The following INTS9 variants were observed in gnomAD, a reference collection of about 807,000 sequenced individuals.
INTS9 encodes the protein integrator complex subunit 9, also known as protein related to CPSF subunits of 74 kDa.
In INTS9, 55 loss-of-function variants were observed where a neutral mutation model predicts 79.7. The observed-to-expected ratio is 0.69, with a 90% CI of 0.56 to 0.86. The LOEUF (loss-of-function observed/expected upper bound fraction) is 0.86. Among genes scored for constraint, INTS9 ranks in the 40% least tolerant of loss-of-function variants. INTS9 has a pLI of 0.00. For synonymous variants in INTS9, 319 were observed against 325.2 expected (o/e 0.98, Z 0.20); for missense variants, 721 against 831.5 (o/e 0.87, Z 1.64).
intron 14 of INTS9, among the ~76,000 whole-genome samples, chr8:28,773,470 A>C (rs1396361644): frequency 1.3e-5 from 2 of 151,664 alleles, no homozygotes; most frequent in African/African-American, 2.4e-5. Context: ...TCTCAAAAAA[A>C]AAAAAAAAAA....
chr8:28,778,046 G>T, intron 12 of INTS9, 93 bp from the exon 13 acceptor site: 1 of 1,367,102 alleles, frequency 7.3e-7, no homozygotes. Context: ...CCCACAGACA[G>T]TCAGGGGGTC....
At chr8:28,781,657 T>TC (rs1428784777) in intron 11 of INTS9, among the ~76,000 whole-genome samples, 2 of 152,266 alleles carry the variant, frequency 1.3e-5, no homozygotes, top group East Asian at 3.9e-4. Flanking sequence ...AGGAACCTAT[T>TC]CCTAAGTGAA....
chr8:28,784,782 C>A lies in INTS9; in HGVS notation c.1098+3047G>T, dbSNP rs543375201. ...ACATGGATGTATTATAACAGTACAA[C>A]CATCAAAAGCAGGGAATGAACAGTG... On this transcript the variant is annotated intron_variant, in intron 11 of 16. Transcript: ENST00000521022. Among the ~76,000 whole-genome samples the A allele has an allele frequency of 2.6e-5, 4 of 152,252 alleles. No homozygotes were observed. The South Asian group carries it at 8.3e-4, about 32-fold the overall frequency.
chr8:28,786,483 G>A (rs1390535480), intron 11 of INTS9, among the ~76,000 whole-genome samples: 1 of 151,990 alleles, frequency 6.6e-6, no homozygotes, highest in African/African-American at 2.4e-5. Context: ...TGTAGAGACA[G>A]GGTTTTGCCA....
In INTS9 at chr8:28,778,079, G is replaced by A. The variant is rs1437824703; in HGVS notation, c.1271-126C>T. On this transcript the variant is annotated intron_variant, in intron 12 of 16. Transcript: ENST00000521022. ...GTCAGGAGGGAGCCAGGAAGCACAC[G>A]TGGGGGACGGAGGTCAAAGGGGCCC... is the stretch of plus-strand genomic sequence containing the variant. 14 of 1,060,866 alleles carry A rather than the reference G, an allele frequency of 1.3e-5. No homozygotes were observed. In the African/African-American group the frequency reaches 1.5e-4, roughly 11 times the overall value. The allele number at this position is 1,060,866 out of a possible 1,614,324, so 65.7% of individuals were successfully genotyped here. A position where few individuals can be genotyped will look rare whatever the true frequency, so the allele number is the denominator to read the frequency against.
chr8:28,780,358 G>A, intron 12 of INTS9: 1 of 981,104 alleles, frequency 1.0e-6, no homozygotes, highest in South Asian at 4.8e-5. Context: ...CTGATAAAAT[G>A]ATACAGTCAT....
chr8:28,812,963 G>A (rs1010014113), intron 7 of INTS9, among the ~76,000 whole-genome samples: 2 of 152,204 alleles, frequency 1.3e-5, no homozygotes, highest in Admixed American at 1.3e-4. Context: ...TCACCTGAGA[G>A]CTTCAGCTCT....
intron 6 of INTS9, among the ~76,000 whole-genome samples, chr8:28,817,536 C>T (rs1417227712): frequency 6.6e-6 from 1 of 152,198 alleles, no homozygotes; most frequent in Non-Finnish European, 1.5e-5. Context: ...GTACCAGTAA[C>T]ATGCTGTTTT....
intron 1 of INTS9, among the ~76,000 whole-genome samples, chr8:28,875,975 C>T (rs1427973920): frequency 6.6e-6 from 1 of 152,192 alleles, no homozygotes; most frequent in Non-Finnish European, 1.5e-5. Context: ...TCAACAGTTT[C>T]CTCCTACTGG....
intron 1 of INTS9, among the ~76,000 whole-genome samples, chr8:28,868,871 G>C (rs186505837): frequency 2.3e-3 from 349 of 152,128 alleles, no homozygotes; most frequent in African/African-American, 8.1e-3. Flanking sequence ...GGGAGGCCGA[G>C]ACGGATCACC....
At chr8:28,828,208 C>T (rs749488095) in intron 6 of INTS9, among the ~76,000 whole-genome samples, 2 of 152,320 alleles carry the variant, frequency 1.3e-5, no homozygotes, top group African/African-American at 4.8e-5. Flanking sequence ...ACAGTGACAA[C>T]TAACTACAGG....
At chr8:28,790,712 G>A (rs1803875295) in intron 10 of INTS9, among the ~76,000 whole-genome samples, 1 of 152,122 alleles carries the variant, frequency 6.6e-6, no homozygotes, top group South Asian at 2.1e-4. Flanking sequence ...CATTACTTAA[G>A]TCCATCCTTT....
In INTS9 at chr8:28,871,810, T is replaced by C. The variant is rs191125643; in HGVS notation, c.10-12247A>G. On this transcript the variant is annotated intron_variant, in intron 1 of 16. Coordinates refer to ENST00000521022, the MANE Select transcript of INTS9 (RefSeq NM_018250.4). ...GGACTTTTCTATGAGAAAAACTACT[T>C]TGAATAAGGTAAAAGATTATCTGGG... Among the ~76,000 whole-genome samples the C allele has an allele frequency of 4.6e-5, 7 of 152,172 alleles. No homozygotes were observed. The East Asian group carries it at 1.4e-3, about 29-fold the overall frequency.
intron 10 of INTS9, among the ~76,000 whole-genome samples, chr8:28,788,624 G>A (rs959507872): frequency 6.6e-6 from 1 of 152,082 alleles, no homozygotes; most frequent in African/African-American, 2.4e-5. Context: ...TCACCATGTT[G>A]GCCAGGCTGG....
intron 6 of INTS9, among the ~76,000 whole-genome samples, chr8:28,825,203 C>T (rs547077847): frequency 5.9e-5 from 9 of 152,370 alleles, no homozygotes; most frequent in African/African-American, 2.2e-4. Context: ...AGACCTCTCA[C>T]TCTGGGCCCG....
intron 13 of INTS9, 112 bp downstream of exon 13, chr8:28,777,717 A>G: frequency 8.0e-7 from 1 of 1,250,956 alleles, no homozygotes; most frequent in Non-Finnish European, 1.1e-6. Context: ...ATGCGTGAGA[A>G]CTGAAGACAA....
intron 6 of INTS9, among the ~76,000 whole-genome samples, chr8:28,833,105 G>A (rs1403041715): frequency 6.6e-6 from 1 of 152,174 alleles, no homozygotes. Context: ...ATGCACGGAG[G>A]AGACTCATGC....
chr8:28,783,037 C>T (rs1455166124), intron 11 of INTS9, among the ~76,000 whole-genome samples: 5 of 148,196 alleles, frequency 3.4e-5, no homozygotes, highest in African/African-American at 1.3e-4. Flanking sequence ...GTCCGTTACT[C>T]GGGAGGCTGA....
chr8:28,771,236 C>G (rs1251125713), intron 14 of INTS9, 156 bp from the exon 15 acceptor site: 12 of 683,522 alleles, frequency 1.8e-5, no homozygotes, highest in Middle Eastern at 3.5e-4. Flanking sequence ...CTCTGTCGCC[C>G]AGGTGACACA....
Sources: allele counts gnomAD v4.1 joint callset (sites outside exome capture counted in the v4.1 genomes callset), GRCh38; gene constraint gnomAD v4.1.1; transcripts MANE v1.5; gene names NCBI Gene and HGNC (gene_info 2026-07-23, HGNC 2026-07-21).